The following JMJD1C variants were observed in gnomAD, a reference collection of about 807,000 sequenced individuals.
The protein encoded by JMJD1C is jumonji domain-containing protein 1C.
Under a neutral mutation model 245.3 loss-of-function variants are expected in JMJD1C, and 31 were observed. That is an observed-to-expected ratio of 0.13 (90% CI 0.09 to 0.17). The LOEUF (loss-of-function observed/expected upper bound fraction) is 0.17, where lower values mean the gene tolerates loss of function less well. JMJD1C is among the 10% of genes least tolerant of loss of function. The pLI is 1.00. For missense variants in JMJD1C, 2,691 were observed against 3,000.2 expected, an observed-to-expected ratio of 0.90 and a Z score of 2.41; for synonymous variants, 1,057 against 1,017.4, an observed-to-expected ratio of 1.04 and a Z score of -0.74.
At chr10:63,361,051 C>T (rs1945281796) in intron 2 of JMJD1C, among the ~76,000 whole-genome samples, 1 of 152,172 alleles carries the variant, frequency 6.6e-6, no homozygotes, top group African/African-American at 2.4e-5. Context: ...TAGCTTAAAA[C>T]TACAATTTTT....
chr10:63,361,161 A>C (rs1945290911), intron 2 of JMJD1C, among the ~76,000 whole-genome samples: 1 of 152,226 alleles, frequency 6.6e-6, no homozygotes, highest in Non-Finnish European at 1.5e-5. Context: ...AGTATCTCAC[A>C]TCTGTAATCC....
Position 63,207,656 on chromosome 10 carries a change from T to G in JMJD1C, c.4013A>C (p.His1338Pro). ...RVSERSSAGA[H>P]KTDCLKLAEA... ...TGCTAGTTTGAGGCAATCTGTTTTA[T>G]GTGCCCCAGCTGAAGATCTTTCACT... Residue 1338 changes from histidine (H) to proline (P), a missense_variant, in exon 10 of 26, where the codon CAT (histidine) becomes CCT (proline). Around this residue, in one of 9 missense-constraint regions of JMJD1C, gnomAD observed 1,562 missense variants for 1,490.7 expected, o/e 1.05. Coordinates refer to ENST00000399262, the MANE Select transcript of JMJD1C (RefSeq NM_032776.3). 1 of 1,614,162 alleles carries G rather than the reference T, an allele frequency of 6.2e-7. No homozygotes were observed. Among genetic ancestry groups the G allele is most frequent in the African/African-American group, 1.3e-5 (1 of 75,064 alleles).
chr10:63,316,079 G>T (rs900130462), intron 2 of JMJD1C, among the ~76,000 whole-genome samples: 1 of 151,980 alleles, frequency 6.6e-6, no homozygotes, highest in Non-Finnish European at 1.5e-5. Context: ...GGGTAATGTG[G>T]GAGGATCACT....
At chr10:63,457,044 G>T (rs1952459234) in intron 1 of JMJD1C, among the ~76,000 whole-genome samples, 1 of 152,136 alleles carries the variant, frequency 6.6e-6, no homozygotes, top group Non-Finnish European at 1.5e-5. Context: ...ACAAAACTAT[G>T]TCTGCATAGT....
chr10:63,433,583 TTTC>T (rs774476366), intron 1 of JMJD1C, among the ~76,000 whole-genome samples: 26 of 140,278 alleles, frequency 1.9e-4, no homozygotes, highest in Non-Finnish European at 3.4e-4. Context: ...TTTCTTTTCT[TTTC>T]TTTTTTTTTT....
At chr10:63,247,945 T>C (rs1852473835) in intron 3 of JMJD1C, among the ~76,000 whole-genome samples, 1 of 152,026 alleles carries the variant, frequency 6.6e-6, no homozygotes, top group Admixed American at 6.6e-5. Context: ...AAGGAAACTA[T>C]AGGCCTGGTA....
At chr10:63,487,321 T>C (rs375413427) in intron 1 of JMJD1C, among the ~76,000 whole-genome samples, 42 of 152,300 alleles carry the variant, frequency 2.8e-4, no homozygotes, top group African/African-American at 9.9e-4. Flanking sequence ...GTAAAGCATA[T>C]AGACAGTGAT....
intron 2 of JMJD1C, among the ~76,000 whole-genome samples, chr10:63,274,927 G>C (rs1856640555): frequency 6.6e-6 from 1 of 152,138 alleles, no homozygotes; most frequent in East Asian, 1.9e-4. Context: ...CAGACATAGT[G>C]GCATGCCCCT....
intron 1 of JMJD1C, among the ~76,000 whole-genome samples, chr10:63,406,952 T>C (rs1949206818): frequency 6.6e-6 from 1 of 152,014 alleles, no homozygotes; most frequent in African/African-American, 2.4e-5. Context: ...ATGGGTAAAA[T>C]AAACTAATTT....
intron 3 of JMJD1C, among the ~76,000 whole-genome samples, chr10:63,250,150 C>T (rs1183080781): frequency 6.6e-6 from 1 of 151,976 alleles, no homozygotes; most frequent in Non-Finnish European, 1.5e-5. Context: ...GTAGCTGAGA[C>T]TACAGCCACA....
chr10:63,407,230 AT>A (rs1483712677), intron 1 of JMJD1C, among the ~76,000 whole-genome samples: 3 of 152,162 alleles, frequency 2.0e-5, no homozygotes, highest in African/African-American at 7.2e-5. Flanking sequence ...AAAAAGGTTT[AT>A]TTCTTAGAAA....
chr10:63,408,368 A>C (rs1347692833), intron 1 of JMJD1C, among the ~76,000 whole-genome samples: 20 of 151,850 alleles, frequency 1.3e-4, no homozygotes, highest in Non-Finnish European at 8.8e-5. Context: ...GCGCCATTGC[A>C]CTCCAGCCTG....
chr10:63,181,832 C>A (rs1843523216), intron 22 of JMJD1C, among the ~76,000 whole-genome samples: 1 of 152,128 alleles, frequency 6.6e-6, no homozygotes, highest in South Asian at 2.1e-4. Flanking sequence ...GGATGTAACT[C>A]CATGGCATCA....
chr10:63,284,844 T>TG (rs1857784897), intron 2 of JMJD1C, among the ~76,000 whole-genome samples: 1 of 146,392 alleles, frequency 6.8e-6, no homozygotes, highest in Non-Finnish European at 1.5e-5. Flanking sequence ...TGCCATTCCC[T>TG]GGCAGGGAAG....
chr10:63,379,953 T>G (rs1947075302), intron 2 of JMJD1C, among the ~76,000 whole-genome samples: 1 of 151,856 alleles, frequency 6.6e-6, no homozygotes, highest in South Asian at 2.1e-4. Flanking sequence ...TTTTTTTTTT[T>G]GTTAAGAGAT....
At chr10:63,389,986 G>A (rs542322921) in intron 1 of JMJD1C, among the ~76,000 whole-genome samples, 28 of 152,124 alleles carry the variant, frequency 1.8e-4, no homozygotes, top group African/African-American at 6.3e-4. Context: ...CATGAAAACA[G>A]AATAGAACAC....
intron 2 of JMJD1C, among the ~76,000 whole-genome samples, chr10:63,324,129 T>C (rs1042183438): frequency 6.6e-6 from 1 of 150,976 alleles, no homozygotes; most frequent in South Asian, 2.1e-4. Flanking sequence ...CTCAGTCTAC[T>C]AGCTCAAATG....
chr10:63,178,108 T>C (rs949363455), intron 22 of JMJD1C, among the ~76,000 whole-genome samples: 7 of 152,162 alleles, frequency 4.6e-5, no homozygotes, highest in African/African-American at 1.7e-4. Context: ...ACCCGACTAA[T>C]TGTTTGTATT....
intron 10 of JMJD1C, 113 bp downstream of exon 10, chr10:63,206,482 C>G (rs149517818): frequency 1.4e-6 from 1 of 735,024 alleles, no homozygotes; most frequent in African/African-American, 1.8e-5. Flanking sequence ...AGCTAAGGCA[C>G]GCAAATGAAG....
Sources: gnomAD v4.1 joint callset for allele counts (sites outside exome capture counted in the v4.1 genomes callset) on GRCh38, gnomAD v4.1.1 for gene constraint, gnomAD v4.1.1 regional missense constraint, MANE v1.5 for transcripts, NCBI Gene and HGNC (gene_info 2026-07-23, HGNC 2026-07-21) for gene names.